Variants in RBM20 observed in about 807,000 individuals in gnomAD.
RBM20 encodes the protein RNA-binding protein 20.
In RBM20, 51 loss-of-function variants were observed where a neutral mutation model predicts 110.1. The ratio of observed to expected loss-of-function variants is 0.46; its 90% confidence interval spans 0.37 to 0.59. The LOEUF (loss-of-function observed/expected upper bound fraction) is 0.59. Ranked by LOEUF, RBM20 falls within the 20% of genes least tolerant of loss-of-function variation. The probability of loss-of-function intolerance (pLI) is 0.00; values close to 1 mark genes in which losing one functional copy is unlikely to be tolerated. For synonymous variants in RBM20, 589 were observed against 618.2 expected, an observed-to-expected ratio of 0.95 and a Z score of 0.70; for missense variants, 1,512 against 1,574.9, an observed-to-expected ratio of 0.96 and a Z score of 0.68.
intron 1 of RBM20, among the ~76,000 whole-genome samples, chr10:110,702,162 C>T (rs75623995): frequency 0.021 from 3,200 of 152,270 alleles, 97 homozygotes; most frequent in African/African-American, 0.069. Flanking sequence ...TGGGAAGTTG[C>T]TCTCAAGTGT....
chr10:110,700,888 G>T (rs1415149250), intron 1 of RBM20, among the ~76,000 whole-genome samples: 1 of 152,126 alleles, frequency 6.6e-6, no homozygotes, highest in Non-Finnish European at 1.5e-5. Context: ...GATAGCGGGT[G>T]CCTGTAATCC....
chr10:110,793,425 C>T (rs1389900728), intron 5 of RBM20, among the ~76,000 whole-genome samples: 1 of 152,188 alleles, frequency 6.6e-6, no homozygotes, highest in Non-Finnish European at 1.5e-5. Context: ...ACCAATTAGA[C>T]TTTCTGATTA....
intron 1 of RBM20, among the ~76,000 whole-genome samples, chr10:110,679,184 G>A (rs1862384160): frequency 6.6e-6 from 1 of 152,070 alleles, no homozygotes; most frequent in Non-Finnish European, 1.5e-5. Flanking sequence ...CACATAGTAA[G>A]TACCCAATAA....
At chr10:110,804,737 G>T (rs1306898691) in intron 7 of RBM20, among the ~76,000 whole-genome samples, 2 of 152,194 alleles carry the variant, frequency 1.3e-5, no homozygotes, top group African/African-American at 2.4e-5. Flanking sequence ...TATATTCTGG[G>T]TTGTTCTATG....
At chr10:110,797,286 C>T (rs139909766) in intron 5 of RBM20, among the ~76,000 whole-genome samples, 6 of 151,590 alleles carry the variant, frequency 4.0e-5, no homozygotes, top group Admixed American at 6.6e-5. Flanking sequence ...GAGTGAGACC[C>T]GGTCTCAAAA....
At chr10:110,772,979 A>G (rs548992004) in intron 1 of RBM20, among the ~76,000 whole-genome samples, 3 of 152,006 alleles carry the variant, frequency 2.0e-5, no homozygotes, top group African/African-American at 4.8e-5. Flanking sequence ...CTCATTTTAC[A>G]AAAAAAAGAA....
At chr10:110,803,406 AG>A (rs1387222714) in intron 7 of RBM20, among the ~76,000 whole-genome samples, 1 of 152,230 alleles carries the variant, frequency 6.6e-6, no homozygotes, top group Non-Finnish European at 1.5e-5. Flanking sequence ...CCGCAGAGAT[AG>A]TATTCTAACA....
chr10:110,817,236 C>G (rs186934473), intron 9 of RBM20, among the ~76,000 whole-genome samples: 3 of 152,302 alleles, frequency 2.0e-5, no homozygotes, highest in East Asian at 3.9e-4. Flanking sequence ...CTGCTCAGCT[C>G]CATTCTACAG....
chr10:110,766,350 T>C (rs1844083879), intron 1 of RBM20, among the ~76,000 whole-genome samples: 1 of 152,154 alleles, frequency 6.6e-6, no homozygotes, highest in Admixed American at 6.5e-5. Flanking sequence ...TTTTAATTGA[T>C]CATTCTTGGG....
At chr10:110,763,757 T>A (rs965473064) in intron 1 of RBM20, among the ~76,000 whole-genome samples, 18 of 149,644 alleles carry the variant, frequency 1.2e-4, no homozygotes, top group Non-Finnish European at 4.5e-5. Context: ...TTGGCTTTTT[T>A]TTTTTTTTTT....
intron 5 of RBM20, among the ~76,000 whole-genome samples, chr10:110,796,414 T>C (rs1371966246): frequency 6.6e-6 from 1 of 152,260 alleles, no homozygotes; most frequent in African/African-American, 2.4e-5. Flanking sequence ...TTTTTTCATA[T>C]ATTTTTGTTT....
At chr10:110,755,143 C>T (rs1286609077) in intron 1 of RBM20, among the ~76,000 whole-genome samples, 2 of 152,068 alleles carry the variant, frequency 1.3e-5, no homozygotes, top group East Asian at 3.9e-4. Context: ...TCTCTCTGGG[C>T]CTATGGGTTT....
chr10:110,702,682 C>T lies in RBM20; in HGVS notation c.191+58037C>T, dbSNP rs558198299. On this transcript the variant is annotated intron_variant, in intron 1 of 13. Transcript: ENST00000369519. ...TCAGGGTCTTCTGTGCCTGTCCACC[C>T]ACTAGCCCTCATGGGCGTAATGCAG... 5.3e-5 allele frequency among the ~76,000 whole-genome samples: 8 copies of T among 152,362 alleles called. No homozygotes were observed. In the South Asian group the frequency reaches 1.7e-3, roughly 32 times the overall value.
At position 110,783,359 on chromosome 10, in the gene RBM20, G is replaced by C; in HGVS notation, c.1276-7G>C. 6.5e-7 allele frequency: 1 copy of C among 1,550,218 alleles called. No homozygotes were observed. The highest frequency in any genetic ancestry group is 8.7e-7 in the Non-Finnish European group (1 of 1,146,002). ...ACTTTGGTCACTTTTCTTTCCTTCTGACCTAGGACTGGGAGCTGCATGTGA... is the reference window on the plus strand; with the variant it reads ...ACTTTGGTCACTTTTCTTTCCTTCTCACCTAGGACTGGGAGCTGCATGTGA... On this transcript the variant is annotated splice_polypyrimidine_tract_variant and splice_region_variant and intron_variant, in intron 2 of 13. Transcript: ENST00000369519.
At chr10:110,750,399 T>C (rs563068991) in intron 1 of RBM20, among the ~76,000 whole-genome samples, 1 of 152,222 alleles carries the variant, frequency 6.6e-6, no homozygotes, top group East Asian at 1.9e-4. Context: ...ACAAGAGGGT[T>C]GGACTGATTA....
rs182309205 is a variant in RBM20, at chr10:110,676,700, T to G, written c.191+32055T>G. Among the ~76,000 whole-genome samples the G allele has an allele frequency of 3.0e-4, 46 of 152,382 alleles. 1 individual carries two copies. Among genetic ancestry groups the G allele is most frequent in the African/African-American group, 8.2e-4 (34 of 41,588 alleles). On this transcript the variant is annotated intron_variant, in intron 1 of 13. Transcript: ENST00000369519. ...AACAACTTCTTGTACTTTTCTGATT[T>G]GCAGTCTCCTTGGTTGTGACAAACC...
chr10:110,834,966 G>C (rs1845104603), intron 13 of RBM20, among the ~76,000 whole-genome samples: 2 of 152,162 alleles, frequency 1.3e-5, no homozygotes, highest in Admixed American at 1.3e-4. Flanking sequence ...AGCCCTCAAC[G>C]ATAGAATAGA....
chr10:110,778,540 G>A (rs987945689), intron 1 of RBM20, among the ~76,000 whole-genome samples: 32 of 152,204 alleles, frequency 2.1e-4, no homozygotes, highest in Admixed American at 2.1e-3. Flanking sequence ...TGTGACAGTG[G>A]AGACTAAGGT....
At chr10:110,790,562 A>C (rs1400702084) in intron 5 of RBM20, among the ~76,000 whole-genome samples, 1 of 152,258 alleles carries the variant, frequency 6.6e-6, no homozygotes, top group Non-Finnish European at 1.5e-5. Context: ...TTTTGTTATA[A>C]GTATATATCT....
Sources: gnomAD v4.1 joint callset for allele counts (sites outside exome capture counted in the v4.1 genomes callset) on GRCh38, gnomAD v4.1.1 for gene constraint, MANE v1.5 for transcripts, NCBI Gene and HGNC (gene_info 2026-07-23, HGNC 2026-07-21) for gene names.